NEMP2: variants seen among roughly 807,000 people sequenced by gnomAD.
NEMP2 encodes nuclear envelope integral membrane protein 2.
A neutral mutation model predicts 54.2 loss-of-function variants in NEMP2; 53 were observed. That is an observed-to-expected ratio of 0.98 (90% confidence interval 0.78 to 1.23). The LOEUF is 1.23. Ranked by LOEUF, NEMP2 falls within the 50% of genes most tolerant of loss-of-function variation. The pLI, the probability that NEMP2 is intolerant of heterozygous loss-of-function variation, is 0.00. For missense variants in NEMP2, 455 were observed against 511.3 expected (o/e 0.89, Z 1.06); for synonymous variants, 197 against 190.3 (o/e 1.04, Z -0.29).
the NEMP2 span, among the ~76,000 whole-genome samples, chr2:190,623,950 A>G: frequency 1.3e-5 from 2 of 152,236 alleles, no homozygotes; most frequent in Non-Finnish European, 2.9e-5. Flanking sequence ...TAAGCAGAAT[A>G]TAGAAAGATT....
chr2:190,424,701 C>T, the NEMP2 span, among the ~76,000 whole-genome samples: 1 of 152,100 alleles, frequency 6.6e-6, no homozygotes, highest in Middle Eastern at 3.2e-3. The surrounding 1 kb of genome is among the most constrained non-coding windows in gnomAD (Gnocchi z 5.9). Context: ...GTTACCTTTC[C>T]ACCATTGAAT....
chr2:190,432,826 C>T, the NEMP2 span, among the ~76,000 whole-genome samples: 1 of 151,516 alleles, frequency 6.6e-6, no homozygotes, highest in African/African-American at 2.4e-5. Flanking sequence ...ACCCCCGCCC[C>T]CCAACACACA....
chr2:190,608,415 G>A, the NEMP2 span: 6 of 152,126 alleles, frequency 3.9e-5, no homozygotes, highest in Non-Finnish European at 8.8e-5. This position sits in a 1 kb window ranked among gnomAD's most constrained non-coding sequence, Gnocchi z 4.9. Flanking sequence ...AATTTGTAAA[G>A]AAAAATATAT....
At chr2:190,442,347 G>A in the NEMP2 span, among the ~76,000 whole-genome samples, 4 of 152,162 alleles carry the variant, frequency 2.6e-5, no homozygotes, top group Admixed American at 2.6e-4. Flanking sequence ...AAGCGTGTTG[G>A]AAAAAACAGG....
At chr2:190,431,077 C>T in the NEMP2 span, among the ~76,000 whole-genome samples, 6 of 130,022 alleles carry the variant, frequency 4.6e-5, no homozygotes, top group East Asian at 4.5e-4. This position sits in a 1 kb window ranked among gnomAD's most constrained non-coding sequence, Gnocchi z 4.4. Flanking sequence ...GGGTCGCAGC[C>T]GGGCAGAGGC....
At chr2:190,566,520 C>T in the NEMP2 span, among the ~76,000 whole-genome samples, 2 of 151,296 alleles carry the variant, frequency 1.3e-5, no homozygotes, top group African/African-American at 2.4e-5. Context: ...CATGGGAGGT[C>T]GAGACTGCAG....
chr2:190,465,029 C>T, the NEMP2 span: 1 of 498,840 alleles, frequency 2.0e-6, no homozygotes, highest in Non-Finnish European at 2.6e-6. The surrounding 1 kb of genome is among the most constrained non-coding windows in gnomAD (Gnocchi z 4.6). Flanking sequence ...GTATCTATAT[C>T]TTGAACACTC....
chr2:190,522,424 C>T lies in NEMP2; in HGVS notation c.213+2839G>A, dbSNP rs1367933936. Among the ~76,000 whole-genome samples the T allele has an allele frequency of 1.3e-5, 2 of 152,008 alleles. No homozygotes were observed. Among genetic ancestry groups the T allele is most frequent in the African/African-American group, 4.8e-5 (2 of 41,384 alleles). On this transcript the variant is annotated intron_variant, in intron 2 of 8. Coordinates refer to ENST00000409150, the MANE Select transcript of NEMP2 (RefSeq NM_001142645.2). This position sits in a 1 kb window ranked among gnomAD's most constrained non-coding sequence, Gnocchi z 5.0. ...AAAAAACAAAATCTCACTTAAAAAACCCACTATGATCTTTTCTGAGAATAA... is the reference window on the plus strand; with the variant it reads ...AAAAAACAAAATCTCACTTAAAAAATCCACTATGATCTTTTCTGAGAATAA...
At chr2:190,642,211 T>C in the NEMP2 span, among the ~76,000 whole-genome samples, 2 of 152,288 alleles carry the variant, frequency 1.3e-5, no homozygotes, top group Middle Eastern at 3.4e-3. This position sits in a 1 kb window ranked among gnomAD's most constrained non-coding sequence, Gnocchi z 4.1. Flanking sequence ...CGGGTTTTTT[T>C]TTTGTTGTTG....
chr2:190,493,143 A>G, the NEMP2 span, among the ~76,000 whole-genome samples: 93,547 of 151,648 alleles, frequency 0.62, 29,401 homozygotes, highest in East Asian at 0.92. Context: ...AGACTCGCCT[A>G]ACACATAGGA....
chr2:190,513,636 A>G lies in NEMP2; in HGVS notation c.953+817T>C, dbSNP rs1479675521. Among the ~76,000 whole-genome samples, 1 of 152,246 alleles carries G rather than the reference A, an allele frequency of 6.6e-6. No homozygotes were observed. The highest frequency in any genetic ancestry group is 1.5e-5 in the Non-Finnish European group (1 of 68,038). ...CCACCTTGCTTGCTGCACTGACAGC[A>G]CTGCCTATCTCCTGATGGTACCAAA... is the stretch of plus-strand genomic sequence containing the variant. On this transcript the variant is annotated intron_variant, in intron 7 of 8. Coordinates refer to ENST00000409150, the MANE Select transcript of NEMP2 (RefSeq NM_001142645.2). This position sits in a 1 kb window ranked among gnomAD's most constrained non-coding sequence, Gnocchi z 5.3.
the NEMP2 span, among the ~76,000 whole-genome samples, chr2:190,637,821 T>C: frequency 1.3e-5 from 2 of 152,258 alleles, no homozygotes; most frequent in Non-Finnish European, 2.9e-5. The surrounding 1 kb of genome is among the most constrained non-coding windows in gnomAD (Gnocchi z 4.5). Flanking sequence ...GATTTAATTT[T>C]CTTGTGCTTA....
At chr2:190,638,148 G>A in the NEMP2 span, among the ~76,000 whole-genome samples, 1 of 152,300 alleles carries the variant, frequency 6.6e-6, no homozygotes, top group African/African-American at 2.4e-5. This position sits in a 1 kb window ranked among gnomAD's most constrained non-coding sequence, Gnocchi z 5.7. Context: ...CGGCAGCACT[G>A]AGCCTTCCCT....
Position 190,534,697 on chromosome 2 carries a change from CCGGCTCCGCTGCGAGGAGCG to C in NEMP2, c.-62_-43del. ...TCCGTGCGACCCGAGCCCTAGGGGACCGGCTCCGCTGCGAGGAGCGGAAGTGGCGCGGGGGCTCAGAGAAG... is the reference window on the plus strand; with the variant it reads ...TCCGTGCGACCCGAGCCCTAGGGGACGAAGTGGCGCGGGGGCTCAGAGAAG... On this transcript the variant is annotated 5_prime_UTR_variant, in exon 1 of 9. Transcript: ENST00000409150. The C allele has an allele frequency of 8.1e-7, 1 of 1,233,730 alleles. No individual in the cohort carries two copies. The highest frequency in any genetic ancestry group is 1.0e-6 in the Non-Finnish European group (1 of 982,878). 76.4% of individuals were successfully genotyped at this position (1,233,730 alleles called of 1,614,324 possible). A position where few individuals can be genotyped will look rare whatever the true frequency, so the allele number is the denominator to read the frequency against.
At chr2:190,553,429 T>C in the NEMP2 span, 5 of 152,260 alleles carry the variant, frequency 3.3e-5, no homozygotes, top group African/African-American at 1.2e-4. Context: ...ATCAGTCATA[T>C]ACTCCCAGAG....
chr2:190,470,318 C>T, the NEMP2 span, among the ~76,000 whole-genome samples: 9 of 152,122 alleles, frequency 5.9e-5, no homozygotes, highest in South Asian at 4.2e-4. Flanking sequence ...ATAGCCACAC[C>T]GTTGTTTTTC....
upstream of NEMP2, among the ~76,000 whole-genome samples, chr2:190,538,095 A>G (rs746592058): frequency 6.6e-6 from 1 of 152,182 alleles, no homozygotes; most frequent in African/African-American, 2.4e-5. This position sits in a 1 kb window ranked among gnomAD's most constrained non-coding sequence, Gnocchi z 4.1. Context: ...AAACTAAAAC[A>G]GGGAAAAAAA....
the NEMP2 span, chr2:190,469,764 G>A: frequency 6.4e-7 from 1 of 1,569,436 alleles, no homozygotes; most frequent in African/African-American, 1.4e-5. This position sits in a 1 kb window ranked among gnomAD's most constrained non-coding sequence, Gnocchi z 5.3. Context: ...TTAGGGTTCT[G>A]TACATTGGCC....
chr2:190,554,202 T>A, the NEMP2 span, among the ~76,000 whole-genome samples: 10 of 152,092 alleles, frequency 6.6e-5, no homozygotes, highest in African/African-American at 2.4e-4. This position sits in a 1 kb window ranked among gnomAD's most constrained non-coding sequence, Gnocchi z 5.7. Flanking sequence ...ACCAGGGCCC[T>A]GGGTTTCCAG....
Sources: gnomAD v4.1 joint callset for allele counts (sites outside exome capture counted in the v4.1 genomes callset) on GRCh38, gnomAD v4.1.1 for gene constraint, Gnocchi (gnomAD v3.1) non-coding constraint, MANE v1.5 for transcripts, NCBI Gene and HGNC (gene_info 2026-07-23, HGNC 2026-07-21) for gene names.